Variants in FAM222B observed in about 807,000 individuals in gnomAD.
The protein encoded by FAM222B is family with sequence similarity 222 member B.
In FAM222B, 12 loss-of-function variants were observed where a neutral mutation model predicts 38.0. The ratio of observed to expected loss-of-function variants is 0.32; its 90% CI spans 0.20 to 0.51. The LOEUF is 0.51. Among genes scored for constraint, FAM222B ranks in the 20% least tolerant of loss-of-function variants. The probability of loss-of-function intolerance (pLI) is 0.97; values close to 1 mark genes in which losing one functional copy is unlikely to be tolerated. For synonymous variants in FAM222B, 329 were observed against 317.2 expected (o/e 1.04, Z -0.40); for missense variants, 716 against 754.2 (o/e 0.95, Z 0.59).
chr17:28,820,980 G>A (rs1401785261), intron 1 of FAM222B, among the ~76,000 whole-genome samples: 1 of 138,656 alleles, frequency 7.2e-6, no homozygotes, highest in Non-Finnish European at 1.5e-5. Flanking sequence ...TTTTTGAGAT[G>A]GACTCTCGCT....
chr17:28,836,704 T>G (rs989267096), intron 1 of FAM222B, among the ~76,000 whole-genome samples: 3 of 152,182 alleles, frequency 2.0e-5, no homozygotes, highest in Non-Finnish European at 4.4e-5. Flanking sequence ...ATACAATGTC[T>G]GTAATCTATA....
At chr17:28,822,494 A>G (rs28873200) in intron 1 of FAM222B, among the ~76,000 whole-genome samples, 28,469 of 150,960 alleles carry the variant, frequency 0.19, 2,807 homozygotes, top group South Asian at 0.3. Flanking sequence ...GCGCAGTGGC[A>G]TAAGCCTGTA....
chr17:28,809,796 A>G (rs543800314), intron 1 of FAM222B, among the ~76,000 whole-genome samples: 107 of 152,310 alleles, frequency 7.0e-4, no homozygotes, highest in East Asian at 2.9e-3. Flanking sequence ...CAACAGAGCC[A>G]GACCCTATTC....
intron 1 of FAM222B, among the ~76,000 whole-genome samples, chr17:28,770,024 C>G (rs1258911786): frequency 6.6e-6 from 1 of 152,068 alleles, no homozygotes; most frequent in African/African-American, 2.4e-5. Flanking sequence ...ATCCTGAGAC[C>G]CTGAACTCAA....
At chr17:28,810,502 ACTTTGTTTTATATACTAGCTAACT>A (rs1167428002) in intron 1 of FAM222B, among the ~76,000 whole-genome samples, 5 of 151,174 alleles carry the variant, frequency 3.3e-5, no homozygotes, top group African/African-American at 7.3e-5. Context: ...ATACTAGCTA[ACTTTGTTTTATATACTAGCTAACT>A]CTGTTTTATA....
intron 1 of FAM222B, among the ~76,000 whole-genome samples, chr17:28,788,877 G>A (rs2036536010): frequency 6.6e-6 from 1 of 151,760 alleles, no homozygotes; most frequent in Admixed American, 6.6e-5. Context: ...GAGTAGCTGG[G>A]ATTACAGATG....
intron 1 of FAM222B, among the ~76,000 whole-genome samples, chr17:28,782,216 G>C (rs959610314): frequency 1.4e-4 from 21 of 152,200 alleles, no homozygotes; most frequent in African/African-American, 5.1e-4. Flanking sequence ...CAGCTGCTCG[G>C]GAGGCTAAGG....
In FAM222B at chr17:28,799,165, G is replaced by A. The variant is rs2037092858; in HGVS notation, c.-40-32458C>T. ...AATTGTTGTATTTTTAGTAGAGACG[G>A]GGTTTCACCATGTTGACCAGGATAG... On this transcript the variant is annotated intron_variant, in intron 1 of 2. Transcript: ENST00000581407. 4.0e-5 allele frequency among the ~76,000 whole-genome samples: 6 copies of A among 149,766 alleles called. No individual in the cohort carries two copies. In the South Asian group the frequency reaches 1.3e-3, roughly 32 times the overall value.
chr17:28,792,642 G>A (rs2036751727), intron 1 of FAM222B, among the ~76,000 whole-genome samples: 1 of 152,070 alleles, frequency 6.6e-6, no homozygotes. Flanking sequence ...TTAGCCAGGT[G>A]TGGTGGCATG....
chr17:28,847,899 G>C (rs964636156), intron 1 of FAM222B, among the ~76,000 whole-genome samples: 12 of 148,444 alleles, frequency 8.1e-5, no homozygotes, highest in African/African-American at 2.5e-4. Flanking sequence ...GGGCGAAAGA[G>C]CGAGACTCCG....
At chr17:28,806,326 G>C (rs1260359040) in intron 1 of FAM222B, among the ~76,000 whole-genome samples, 3 of 152,112 alleles carry the variant, frequency 2.0e-5, no homozygotes, top group African/African-American at 7.2e-5. Flanking sequence ...CTCTTAACTA[G>C]AGTCTTGTCC....
At chr17:28,804,603 G>A (rs564565358) in intron 1 of FAM222B, among the ~76,000 whole-genome samples, 1 of 151,820 alleles carries the variant, frequency 6.6e-6, no homozygotes, top group East Asian at 2.0e-4. Context: ...CAAAGTGCTG[G>A]GATTACAGGC....
At chr17:28,763,484 T>G (rs1386813805) in intron 2 of FAM222B, among the ~76,000 whole-genome samples, 1 of 152,278 alleles carries the variant, frequency 6.6e-6, no homozygotes, top group Non-Finnish European at 1.5e-5. Context: ...CAGGATGGAC[T>G]GGAGGCAATT....
At chr17:28,795,807 T>C (rs2036915075) in intron 1 of FAM222B, among the ~76,000 whole-genome samples, 1 of 152,172 alleles carries the variant, frequency 6.6e-6, no homozygotes, top group Admixed American at 6.6e-5. Context: ...AAAACCAGAT[T>C]GTACCTTGCC....
chr17:28,809,693 G>T (rs575405521), intron 1 of FAM222B, among the ~76,000 whole-genome samples: 1 of 152,126 alleles, frequency 6.6e-6, no homozygotes, highest in East Asian at 1.9e-4. Context: ...AATATCGGGC[G>T]TGGAGGGGTG....
chr17:28,796,155 C>T (rs2036929540), intron 1 of FAM222B, among the ~76,000 whole-genome samples: 1 of 152,158 alleles, frequency 6.6e-6, no homozygotes, highest in African/African-American at 2.4e-5. Context: ...CTTGGTTTAA[C>T]TGCAGCCAAA....
intron 1 of FAM222B, among the ~76,000 whole-genome samples, chr17:28,806,844 A>T (rs2037517778): frequency 6.6e-6 from 1 of 152,136 alleles, no homozygotes; most frequent in Admixed American, 6.6e-5. Flanking sequence ...AAATTCAGAG[A>T]AAGGAAGAAT....
At chr17:28,846,256 C>A (rs1202450522), upstream of FAM222B, among the ~76,000 whole-genome samples, 1 of 151,288 alleles carries the variant, frequency 6.6e-6, no homozygotes, top group African/African-American at 2.4e-5. Context: ...GTGGTCCCAC[C>A]TACTTGGGAG....
chr17:28,795,700 T>C (rs1201804204), intron 1 of FAM222B, among the ~76,000 whole-genome samples: 2 of 152,188 alleles, frequency 1.3e-5, no homozygotes, highest in African/African-American at 4.8e-5. Context: ...AATGCTGGGA[T>C]TACAGGCACT....
Sources: gnomAD v4.1 joint callset for allele counts (sites outside exome capture counted in the v4.1 genomes callset) on GRCh38, gnomAD v4.1.1 for gene constraint, MANE v1.5 for transcripts, NCBI Gene and HGNC (gene_info 2026-07-23, HGNC 2026-07-21) for gene names.